The following SPAG16 variants were observed in gnomAD, a reference collection of about 807,000 sequenced individuals.
SPAG16 encodes the protein sperm associated antigen 16.
Under a neutral mutation model 80.4 loss-of-function variants are expected in SPAG16, and 86 were observed. The observed-to-expected ratio is 1.07, with a 90% CI of 0.90 to 1.28. The LOEUF (loss-of-function observed/expected upper bound fraction) is 1.28, where lower values mean the gene tolerates loss of function less well. SPAG16 is among the 50% of genes most tolerant of loss of function. The probability of loss-of-function intolerance (pLI) is 0.00; values close to 1 mark genes in which losing one functional copy is unlikely to be tolerated. For missense variants in SPAG16, 870 were observed against 765.3 expected (o/e 1.14, Z -1.61); for synonymous variants, 294 against 265.9 (o/e 1.11, Z -1.03).
chr2:214,224,343 T>C (rs938581008), intron 15 of SPAG16, among the ~76,000 whole-genome samples: 4 of 152,200 alleles, frequency 2.6e-5, no homozygotes, highest in African/African-American at 9.6e-5. Flanking sequence ...AAACAGTGAA[T>C]GTCCCATAAA....
intron 15 of SPAG16, among the ~76,000 whole-genome samples, chr2:214,316,770 T>A (rs1695726040): frequency 6.6e-6 from 1 of 152,126 alleles, no homozygotes; most frequent in Non-Finnish European, 1.5e-5. Context: ...ATAATATAAA[T>A]CCTCATATTC....
intron 15 of SPAG16, among the ~76,000 whole-genome samples, chr2:214,349,926 G>T (rs183551616): frequency 6.6e-6 from 1 of 152,064 alleles, no homozygotes; most frequent in Non-Finnish European, 1.5e-5. Flanking sequence ...GAGTTATAGG[G>T]GTGCTTTCTA....
chr2:214,035,641 A>G (rs1004366098), intron 13 of SPAG16, among the ~76,000 whole-genome samples: 1 of 152,184 alleles, frequency 6.6e-6, no homozygotes, highest in Non-Finnish European at 1.5e-5. Context: ...AGACAGTAGG[A>G]GCAGACACTT....
At chr2:213,843,945 A>C (rs2074486518) in intron 10 of SPAG16, among the ~76,000 whole-genome samples, 1 of 130,648 alleles carries the variant, frequency 7.7e-6, no homozygotes, top group South Asian at 2.8e-4. Context: ...ATATAATATA[A>C]AACTTATAAA....
At chr2:213,918,628 C>T (rs1242286504) in intron 11 of SPAG16, among the ~76,000 whole-genome samples, 1 of 152,124 alleles carries the variant, frequency 6.6e-6, no homozygotes, top group African/African-American at 2.4e-5. Flanking sequence ...CTCTTGTCTC[C>T]TGCCATGTAA....
intron 15 of SPAG16, among the ~76,000 whole-genome samples, chr2:214,267,940 A>G (rs1238515172): frequency 1.3e-5 from 2 of 151,958 alleles, no homozygotes; most frequent in Non-Finnish European, 2.9e-5. Context: ...AGAGGGTAAT[A>G]GCCAAAATAT....
At chr2:214,177,086 T>C (rs1174081664) in intron 15 of SPAG16, among the ~76,000 whole-genome samples, 1 of 151,238 alleles carries the variant, frequency 6.6e-6, no homozygotes. Context: ...GGAATAAATC[T>C]CTTAAACACA....
intron 15 of SPAG16, among the ~76,000 whole-genome samples, chr2:214,263,700 A>T (rs1301964709): frequency 1.3e-5 from 2 of 152,196 alleles, no homozygotes; most frequent in East Asian, 3.9e-4. Context: ...AAGAAAGTTA[A>T]TTCGGGAATT....
chr2:213,675,655 A>T (rs958613350), intron 10 of SPAG16, among the ~76,000 whole-genome samples: 4 of 152,100 alleles, frequency 2.6e-5, no homozygotes, highest in African/African-American at 4.8e-5. Flanking sequence ...CCTTTCCCCA[A>T]TACTTGTTTT....
intron 9 of SPAG16, among the ~76,000 whole-genome samples, chr2:213,471,022 G>A (rs2073048978): frequency 6.6e-6 from 1 of 152,214 alleles, no homozygotes; most frequent in African/African-American, 2.4e-5. Context: ...CATGCAAAGT[G>A]CACAACCAGG....
At chr2:213,287,352 A>G (rs2062092429) in intron 1 of SPAG16, among the ~76,000 whole-genome samples, 1 of 152,238 alleles carries the variant, frequency 6.6e-6, no homozygotes, top group South Asian at 2.1e-4. Context: ...AGGGCTGCCT[A>G]TTAATGTATG....
chr2:213,586,575 TG>T (rs1054454369), intron 10 of SPAG16, among the ~76,000 whole-genome samples: 1 of 152,262 alleles, frequency 6.6e-6, no homozygotes, highest in African/African-American at 2.4e-5. Context: ...AAAATACATT[TG>T]TTCTACTCCA....
At chr2:213,567,232 T>G (rs905294783) in intron 10 of SPAG16, among the ~76,000 whole-genome samples, 5 of 109,774 alleles carry the variant, frequency 4.6e-5, no homozygotes, top group South Asian at 2.7e-4. Flanking sequence ...TTTGACATTG[T>G]TTTTTTTTTT....
intron 14 of SPAG16, among the ~76,000 whole-genome samples, chr2:214,110,727 G>A (rs550047229): frequency 6.6e-6 from 1 of 152,178 alleles, no homozygotes; most frequent in East Asian, 1.9e-4. Flanking sequence ...CTTCCAAAAT[G>A]GTTGAACTAA....
chr2:213,923,302 G>C (rs1035756511), intron 11 of SPAG16, among the ~76,000 whole-genome samples: 3 of 152,172 alleles, frequency 2.0e-5, no homozygotes, highest in African/African-American at 4.8e-5. Flanking sequence ...AGCTCCAGCA[G>C]GCATTGCCTA....
At chr2:214,123,527 C>G (rs1211184194) in intron 14 of SPAG16, among the ~76,000 whole-genome samples, 1 of 151,972 alleles carries the variant, frequency 6.6e-6, no homozygotes, top group Non-Finnish European at 1.5e-5. Flanking sequence ...TGTCCTGGCA[C>G]TAATCTAAAT....
At chr2:213,850,495 T>C (rs1228506750) in intron 10 of SPAG16, among the ~76,000 whole-genome samples, 2 of 152,180 alleles carry the variant, frequency 1.3e-5, no homozygotes, top group African/African-American at 2.4e-5. Flanking sequence ...GGTAATAAAC[T>C]GGAAGGGGAA....
At chr2:213,927,524 A>G (rs1453497857) in intron 11 of SPAG16, among the ~76,000 whole-genome samples, 2 of 152,238 alleles carry the variant, frequency 1.3e-5, no homozygotes, top group East Asian at 1.9e-4. Context: ...AGGCAAAACC[A>G]TTTCAAAAGA....
At chr2:213,584,753 A>T (rs1198093964) in intron 10 of SPAG16, among the ~76,000 whole-genome samples, 2 of 152,184 alleles carry the variant, frequency 1.3e-5, no homozygotes, top group African/African-American at 4.8e-5. Flanking sequence ...AAACTCATTC[A>T]TCAATATTGT....
Sources: allele counts gnomAD v4.1 joint callset (sites outside exome capture counted in the v4.1 genomes callset), GRCh38; gene constraint gnomAD v4.1.1; transcripts MANE v1.5; gene names NCBI Gene and HGNC (gene_info 2026-07-23, HGNC 2026-07-21).